Variants in SGCD observed in about 807,000 individuals in gnomAD.
SGCD encodes the protein sarcoglycan delta, also known as delta-sarcoglycan.
SGCD carries 18 observed loss-of-function variants against 36.6 expected under a neutral mutation model. That is an observed-to-expected ratio of 0.49 (90% CI 0.34 to 0.73). The LOEUF (loss-of-function observed/expected upper bound fraction) is 0.73, where lower values mean the gene tolerates loss of function less well. SGCD is among the 30% of genes least tolerant of loss of function. SGCD has a pLI of 0.01. For synonymous variants in SGCD, 133 were observed against 130.6 expected, an observed-to-expected ratio of 1.02 and a Z score of -0.12; for missense variants, 387 against 346.7, an observed-to-expected ratio of 1.12 and a Z score of -0.92.
intron 4 of SGCD, among the ~76,000 whole-genome samples, chr5:156,580,734 T>A (rs1760218578): frequency 6.6e-6 from 1 of 152,228 alleles, no homozygotes; most frequent in East Asian, 1.9e-4. Flanking sequence ...TCTAGTGCCA[T>A]GGTTTTCAGC....
the SGCD span, among the ~76,000 whole-genome samples, chr5:155,805,634 G>A: frequency 6.6e-5 from 10 of 152,180 alleles, no homozygotes; most frequent in Admixed American, 2.0e-4. Flanking sequence ...TCGCGAAATA[G>A]TCTTTAGAGA....
In SGCD at chr5:156,225,969, G is replaced by T. The variant is rs184130422; in HGVS notation, c.-44+101950G>T. On this transcript the variant is annotated intron_variant, in intron 3 of 9. Coordinates refer to the SGCD transcript ENST00000517913. ...AAAGGAGAGAAATGAAAGCTGTTGG[G>T]CATATGGATAATTTACTGGAAATCA... Among the ~76,000 whole-genome samples the T allele has an allele frequency of 8.0e-4, 122 of 152,182 alleles. 1 individual carries two copies. Among genetic ancestry groups the T allele is most frequent in the African/African-American group, 2.8e-3 (116 of 41,530 alleles).
chr5:156,372,252 A>G (rs899674281), intron 3 of SGCD, among the ~76,000 whole-genome samples: 1 of 152,236 alleles, frequency 6.6e-6, no homozygotes, highest in Non-Finnish European at 1.5e-5. Context: ...TCTAAGAGGT[A>G]TGGTATCGTG....
intron 3 of SGCD, among the ~76,000 whole-genome samples, chr5:156,298,004 CA>C (rs1766945287): frequency 6.7e-6 from 1 of 148,456 alleles, no homozygotes; most frequent in Non-Finnish European, 1.5e-5. Flanking sequence ...TTTTAGTTTT[CA>C]GCTTGCCCAA....
intron 2 of SGCD, 84 bp downstream of exon 2, chr5:156,329,663 C>T: frequency 7.8e-7 from 1 of 1,289,478 alleles, no homozygotes; most frequent in Non-Finnish European, 1.1e-6. Flanking sequence ...AAAAAGAGAA[C>T]AAAGTGTTAT....
chr5:156,378,100 G>A (rs1193293911), intron 3 of SGCD, among the ~76,000 whole-genome samples: 1 of 152,080 alleles, frequency 6.6e-6, no homozygotes. Context: ...AGCAACCCAA[G>A]CATCCATTGA....
the SGCD span, among the ~76,000 whole-genome samples, chr5:155,758,537 CTG>C: frequency 1.3e-5 from 2 of 152,306 alleles, no homozygotes; most frequent in Non-Finnish European, 2.9e-5. Flanking sequence ...AGCAACTGGG[CTG>C]CACAGCAGGA....
chr5:156,355,386 G>GTT (rs1028249151), intron 3 of SGCD, among the ~76,000 whole-genome samples: 18 of 151,368 alleles, frequency 1.2e-4, no homozygotes, highest in African/African-American at 4.2e-4. Flanking sequence ...TAACTACTAT[G>GTT]TTTTTTAATC....
At chr5:156,125,410 C>T (rs1762146561) in intron 3 of SGCD, among the ~76,000 whole-genome samples, 1 of 151,760 alleles carries the variant, frequency 6.6e-6, no homozygotes, top group Admixed American at 6.6e-5. Flanking sequence ...CTTAGCTAGT[C>T]ATGAATGGGC....
chr5:155,830,766 G>A, the SGCD span, among the ~76,000 whole-genome samples: 16 of 152,280 alleles, frequency 1.1e-4, no homozygotes, highest in South Asian at 1.0e-3. Context: ...CTGTTGTGAA[G>A]GTGGGAAGGC....
At chr5:156,376,999 G>A (rs1011558865) in intron 3 of SGCD, among the ~76,000 whole-genome samples, 1 of 151,886 alleles carries the variant, frequency 6.6e-6, no homozygotes, top group Admixed American at 6.6e-5. Context: ...AAAATATAAA[G>A]CATGCCTCTT....
the SGCD span, among the ~76,000 whole-genome samples, chr5:155,833,068 A>AAAAAAAAAAAG: frequency 1.8e-4 from 26 of 142,662 alleles, no homozygotes; most frequent in East Asian, 4.1e-4. Flanking sequence ...AAAAAAAAAA[A>AAAAAAAAAAAG]AAAGAAAAAA....
At chr5:156,168,905 A>G (rs1224296455) in intron 3 of SGCD, among the ~76,000 whole-genome samples, 1 of 152,220 alleles carries the variant, frequency 6.6e-6, no homozygotes, top group Non-Finnish European at 1.5e-5. Flanking sequence ...TCAGCTGCTG[A>G]CAAGGAGCCC....
intron 3 of SGCD, among the ~76,000 whole-genome samples, chr5:156,176,574 C>G (rs1763479652): frequency 6.6e-6 from 1 of 151,828 alleles, no homozygotes; most frequent in Admixed American, 6.6e-5. Context: ...GTGTGTGCTG[C>G]TTTGTTTACT....
chr5:156,288,467 A>G (rs145903312), intron 3 of SGCD, among the ~76,000 whole-genome samples: 9 of 152,272 alleles, frequency 5.9e-5, no homozygotes, highest in Non-Finnish European at 1.5e-5. Flanking sequence ...TGTTTTTACA[A>G]TAAGCATTAT....
intron 7 of SGCD, among the ~76,000 whole-genome samples, chr5:156,648,332 A>G (rs1763310982): frequency 6.6e-6 from 1 of 151,442 alleles, no homozygotes; most frequent in Non-Finnish European, 1.5e-5. Context: ...ATGGCACTGA[A>G]TAACTGTTTC....
At chr5:156,177,783 T>C (rs4704782) in intron 3 of SGCD, among the ~76,000 whole-genome samples, 89,849 of 151,942 alleles carry the variant, frequency 0.59, 27,615 homozygotes, top group East Asian at 0.94. Context: ...TAATTTTTGT[T>C]GCTGTAGACT....
At chr5:155,843,694 A>C in the SGCD span, among the ~76,000 whole-genome samples, 1 of 152,178 alleles carries the variant, frequency 6.6e-6, no homozygotes, top group Admixed American at 6.5e-5. Flanking sequence ...TCAAGGCAAG[A>C]TAATCTGATT....
intron 1 of SGCD, among the ~76,000 whole-genome samples, chr5:156,044,144 T>G (rs1759706663): frequency 6.6e-6 from 1 of 152,110 alleles, no homozygotes; most frequent in African/African-American, 2.4e-5. Context: ...AAAATTGGAA[T>G]GAGAGTAAGG....
Sources: allele counts gnomAD v4.1 joint callset (sites outside exome capture counted in the v4.1 genomes callset), GRCh38; gene constraint gnomAD v4.1.1; transcripts MANE v1.5; gene names NCBI Gene and HGNC (gene_info 2026-07-23, HGNC 2026-07-21).